RCOR3: variants seen among roughly 807,000 people sequenced by gnomAD.
RCOR3 encodes the protein REST corepressor 3.
RCOR3 carries 13 observed loss-of-function variants against 64.1 expected under a neutral mutation model. That is an observed-to-expected ratio of 0.20 (90% CI 0.13 to 0.32). The LOEUF (loss-of-function observed/expected upper bound fraction) is 0.32, where lower values mean the gene tolerates loss of function less well. Ranked by LOEUF, RCOR3 falls within the 10% of genes least tolerant of loss-of-function variation. The pLI is 1.00. For synonymous variants in RCOR3, 215 were observed against 239.0 expected, an observed-to-expected ratio of 0.90 and a Z score of 0.93; for missense variants, 489 against 701.2, an observed-to-expected ratio of 0.70 and a Z score of 3.42.
chr1:211,308,101 A>G (rs1445256470), intron 10 of RCOR3, among the ~76,000 whole-genome samples: 1 of 152,212 alleles, frequency 6.6e-6, no homozygotes, highest in East Asian at 1.9e-4. Flanking sequence ...TGAATGATCA[A>G]AAGGAAGTGG....
intron 6 of RCOR3, 21 bp from the exon 7 acceptor site, chr1:211,279,217 C>A: frequency 3.5e-5 from 50 of 1,421,956 alleles, no homozygotes; most frequent in Non-Finnish European, 4.6e-5. Context: ...ATTAAGTGTA[C>A]TAATTTTTGT....
At chr1:211,276,208 A>T in intron 4 of RCOR3, 49 bp from the exon 5 acceptor site, 1 of 1,540,636 alleles carries the variant, frequency 6.5e-7, no homozygotes, top group Middle Eastern at 1.7e-4. Flanking sequence ...CTTAAGTGTG[A>T]TGGAACATAA....
chr1:211,275,085 T>C (rs1696780341), intron 4 of RCOR3, among the ~76,000 whole-genome samples: 1 of 151,602 alleles, frequency 6.6e-6, no homozygotes, highest in African/African-American at 2.4e-5. Context: ...ACATTACCCT[T>C]AGTAATGAGG....
chr1:211,285,839 GT>G (rs1283670474), intron 7 of RCOR3, among the ~76,000 whole-genome samples: 5 of 152,178 alleles, frequency 3.3e-5, no homozygotes, highest in Non-Finnish European at 7.4e-5. Context: ...CTGAGAAGTA[GT>G]TTTTTATATG....
chr1:211,259,450 C>CCGCCGT lies in RCOR3; in HGVS notation c.-109_-104dup. 1 of 1,126,824 alleles carries CCGCCGT rather than the reference C, an allele frequency of 8.9e-7. No homozygotes were observed. The highest frequency in any genetic ancestry group is 1.2e-6 in the Non-Finnish European group (1 of 809,640). 69.8% of individuals were successfully genotyped at this position (1,126,824 alleles called of 1,614,324 possible). ...ACAGCCTCCTCCTCCTCCGCCGCCG[C>CCGCCGT]CGCCGTCTCCTCCTCCTCCTCCTTT... is the stretch of plus-strand genomic sequence containing the variant. On this transcript the variant is annotated 5_prime_UTR_variant, in exon 1 of 12. Transcript: ENST00000419091.
At chr1:211,306,631 C>T (rs919543563) in intron 10 of RCOR3, among the ~76,000 whole-genome samples, 1 of 152,098 alleles carries the variant, frequency 6.6e-6, no homozygotes, top group Non-Finnish European at 1.5e-5. Flanking sequence ...TTTTTTATTA[C>T]AACTCTTTTG....
At chr1:211,287,748 G>A (rs144243469) in intron 7 of RCOR3, among the ~76,000 whole-genome samples, 1,834 of 152,252 alleles carry the variant, frequency 0.012, 14 homozygotes, top group Middle Eastern at 0.071. Flanking sequence ...GGGCATGGTG[G>A]CGGGTGCCTG....
intron 7 of RCOR3, among the ~76,000 whole-genome samples, chr1:211,285,410 T>C (rs186358093): frequency 1.4e-4 from 21 of 152,358 alleles, no homozygotes; most frequent in African/African-American, 4.6e-4. Context: ...CTTGCCATAA[T>C]GGCTGGTTTC....
At chr1:211,300,078 T>TG (rs1366936035) in intron 9 of RCOR3, among the ~76,000 whole-genome samples, 1 of 147,044 alleles carries the variant, frequency 6.8e-6, no homozygotes, top group Non-Finnish European at 1.5e-5. Flanking sequence ...TTTCTTTTTT[T>TG]TTTTTTTTTT....
chr1:211,309,006 C>T (rs1701219342), intron 10 of RCOR3, among the ~76,000 whole-genome samples: 1 of 150,004 alleles, frequency 6.7e-6, no homozygotes, highest in African/African-American at 2.5e-5. Context: ...GCCACCATGC[C>T]TGGCCCCAAA....
At chr1:211,309,839 T>G (rs1701307678) in intron 10 of RCOR3, among the ~76,000 whole-genome samples, 1 of 152,230 alleles carries the variant, frequency 6.6e-6, no homozygotes. Flanking sequence ...GCTAGTTGTT[T>G]CAGACGCCTC....
intron 5 of RCOR3, among the ~76,000 whole-genome samples, chr1:211,277,682 A>G (rs1333508517): frequency 6.6e-6 from 1 of 152,202 alleles, no homozygotes; most frequent in Non-Finnish European, 1.5e-5. Flanking sequence ...ATAGGGAATG[A>G]TTGCTAATGG....
chr1:211,259,941 G>GC (rs1246963051), intron 1 of RCOR3, 167 bp from the exon 2 acceptor site: 7 of 250,784 alleles, frequency 2.8e-5, no homozygotes, highest in African/African-American at 2.0e-4. Flanking sequence ...CCCGCTCCCC[G>GC]CCCCCAATCC....
intron 9 of RCOR3, among the ~76,000 whole-genome samples, chr1:211,300,838 C>T (rs1226409651): frequency 2.6e-5 from 4 of 152,112 alleles, no homozygotes; most frequent in African/African-American, 7.2e-5. Context: ...TCCACTATTT[C>T]TTTAGTCAGT....
chr1:211,277,153 CT>C (rs991064586), intron 5 of RCOR3, among the ~76,000 whole-genome samples: 14 of 149,932 alleles, frequency 9.3e-5, no homozygotes, highest in Non-Finnish European at 1.8e-4. Flanking sequence ...GATGGTGCTG[CT>C]TTTTTTCTTT....
chr1:211,304,679 C>T (rs114738733), intron 10 of RCOR3, among the ~76,000 whole-genome samples: 5,325 of 152,172 alleles, frequency 0.035, 128 homozygotes, highest in Non-Finnish European at 0.053. Flanking sequence ...GACTTAAGAG[C>T]GATATCAAAA....
At chr1:211,301,363 C>G (rs967909488) in intron 9 of RCOR3, 2 of 152,090 alleles carry the variant, frequency 1.3e-5, no homozygotes, top group Non-Finnish European at 2.9e-5. Context: ...CAGCATTGTC[C>G]CTCTCCCAGC....
intron 7 of RCOR3, 73 bp downstream of exon 7, chr1:211,279,389 T>A (rs1461668551): frequency 8.9e-7 from 1 of 1,120,772 alleles, no homozygotes; most frequent in Non-Finnish European, 1.3e-6. Flanking sequence ...GTACTTCGTA[T>A]TAAGAAAAAC....
At chr1:211,287,712 C>G (rs1698717361) in intron 7 of RCOR3, among the ~76,000 whole-genome samples, 1 of 152,070 alleles carries the variant, frequency 6.6e-6, no homozygotes, top group South Asian at 2.1e-4. Flanking sequence ...GAAACCCCAT[C>G]TCTACTAAAA....
Sources: allele counts gnomAD v4.1 joint callset (sites outside exome capture counted in the v4.1 genomes callset), GRCh38; gene constraint gnomAD v4.1.1; transcripts MANE v1.5; gene names NCBI Gene and HGNC (gene_info 2026-07-23, HGNC 2026-07-21).